SAMHD1: variants seen among roughly 807,000 people sequenced by gnomAD.
SAMHD1 encodes deoxynucleoside triphosphate triphosphohydrolase SAMHD1.
In SAMHD1, 54 loss-of-function variants were observed where a neutral mutation model predicts 79.6. The observed-to-expected ratio is 0.68, with a 90% CI of 0.55 to 0.85. SAMHD1 has a LOEUF of 0.85. Ranked by LOEUF, SAMHD1 falls within the 40% of genes least tolerant of loss-of-function variation. The probability of loss-of-function intolerance (pLI) is 0.00; values close to 1 mark genes in which losing one functional copy is unlikely to be tolerated. For synonymous variants in SAMHD1, 260 were observed against 264.1 expected (o/e 0.98, Z 0.15); for missense variants, 663 against 782.7 (o/e 0.85, Z 1.82).
chr20:36,941,141 T>C, intron 2 of SAMHD1, 30 bp from the exon 3 acceptor site: 2 of 1,451,082 alleles, frequency 1.4e-6, no homozygotes, highest in South Asian at 2.3e-5. Flanking sequence ...AGCAAGTCTA[T>C]CATTATTTGC....
intron 10 of SAMHD1, chr20:36,911,592 C>A: frequency 2.7e-6 from 1 of 375,110 alleles, no homozygotes; most frequent in Non-Finnish European, 4.9e-6. Flanking sequence ...GTGTATTCAG[C>A]CCTCATTTTA....
chr20:36,901,096 T>C (rs1990297790), intron 13 of SAMHD1, among the ~76,000 whole-genome samples: 1 of 151,904 alleles, frequency 6.6e-6, no homozygotes, highest in African/African-American at 2.4e-5. Context: ...TGGAGAGGAA[T>C]CTGGTGCCTT....
At chr20:36,917,619 C>T (rs981496304) in intron 7 of SAMHD1, among the ~76,000 whole-genome samples, 1 of 152,114 alleles carries the variant, frequency 6.6e-6, no homozygotes, top group Admixed American at 6.6e-5. Context: ...CCACTGCCCT[C>T]TAGCCTGGGC....
chr20:36,910,625 G>A (rs2063432918), intron 11 of SAMHD1, among the ~76,000 whole-genome samples: 1 of 151,228 alleles, frequency 6.6e-6, no homozygotes. Context: ...AGCTACCCAG[G>A]AGACTGAGGC....
At chr20:36,909,602 C>T (rs909114733) in intron 11 of SAMHD1, among the ~76,000 whole-genome samples, 6 of 141,870 alleles carry the variant, frequency 4.2e-5, no homozygotes, top group East Asian at 4.3e-4. Context: ...ACTCAGGAGG[C>T]GGAGGTTGCA....
In SAMHD1 at chr20:36,893,597, T is replaced by G. The variant is rs6093564; in HGVS notation, c.1747-531A>C. 393 of 322,284 alleles carry G rather than the reference T, an allele frequency of 1.2e-3. 3 individuals are homozygous for G. Among genetic ancestry groups the G allele is most frequent in the African/African-American group, 7.6e-3 (357 of 46,738 alleles). 20.0% of individuals were successfully genotyped at this position (322,284 alleles called of 1,614,324 possible). ...TCCTCCACCCAAAATAAGGGAGAGATCCAAAGGGAGGCGATACAATGACGT... is the reference window on the plus strand; with the variant it reads ...TCCTCCACCCAAAATAAGGGAGAGAGCCAAAGGGAGGCGATACAATGACGT... On this transcript the variant is annotated intron_variant, in intron 15 of 15. Coordinates refer to ENST00000646673, the MANE Select transcript of SAMHD1 (RefSeq NM_015474.4).
At chr20:36,947,549 GGGGTGTGTGTGTGTGTGTGTGT>G (rs2063700931) in intron 1 of SAMHD1, among the ~76,000 whole-genome samples, 1 of 60,740 alleles carries the variant, frequency 1.6e-5, no homozygotes, top group South Asian at 6.3e-4. Context: ...ATTTGGAAGA[GGGGTGTGTGTGTGTGTGTGTGT>G]GTGTGTGTGT....
At chr20:36,906,105 T>C (rs1209879885) in intron 11 of SAMHD1, among the ~76,000 whole-genome samples, 2 of 151,540 alleles carry the variant, frequency 1.3e-5, no homozygotes, top group Non-Finnish European at 2.9e-5. Context: ...CACATAAAGG[T>C]GTATGGATTT....
intron 4 of SAMHD1, among the ~76,000 whole-genome samples, chr20:36,931,566 G>A (rs879560153): frequency 6.6e-6 from 1 of 152,044 alleles, no homozygotes. Context: ...GAACCCAAGA[G>A]GTACAGGTTG....
Position 36,892,909 on chromosome 20 carries a change from T to A in SAMHD1, c.*23A>T. 3 of 1,613,982 alleles carry A rather than the reference T, an allele frequency of 1.9e-6. No homozygotes were observed. The highest frequency in any genetic ancestry group is 2.5e-6 in the Non-Finnish European group (3 of 1,179,926). On this transcript the variant is annotated 3_prime_UTR_variant, in exon 16 of 16. Coordinates refer to ENST00000646673, the MANE Select transcript of SAMHD1 (RefSeq NM_015474.4). ...AATGAATTGTGCAGGAGAGGGAGTT[T>A]GTAAACAACTGACTACAGACATTCA...
At chr20:36,948,875 AAAAAAAGAAAAG>A (rs1219606177) in intron 1 of SAMHD1, among the ~76,000 whole-genome samples, 2,390 of 112,094 alleles carry the variant, frequency 0.021, 51 homozygotes, top group African/African-American at 0.063. Flanking sequence ...CAAAAAAAAA[AAAAAAAGAAAAG>A]AAAAAAAGAA....
chr20:36,904,268 C>A lies in SAMHD1; in HGVS notation c.1411-19G>T. On this transcript the variant is annotated intron_variant, in intron 12 of 15. Transcript: ENST00000646673. ...AGTCCTCCTGGAAAACACAAGACTC[C>A]CCATGTTAGAATCCATTTTTCATCA... 6.5e-7 allele frequency: 1 copy of A among 1,534,190 alleles called. No individual in the cohort carries two copies. Among genetic ancestry groups the A allele is most frequent in the Non-Finnish European group, 9.0e-7 (1 of 1,107,352 alleles).
At chr20:36,951,316 C>T (rs2063732894) in intron 1 of SAMHD1, 120 bp downstream of exon 1, 1 of 1,412,880 alleles carries the variant, frequency 7.1e-7, no homozygotes, top group Non-Finnish European at 9.6e-7. Flanking sequence ...CTCCCGGGTG[C>T]CTCCCGCCGC....
chr20:36,951,608 A>T lies in SAMHD1; in HGVS notation c.36T>A (p.Arg12=), dbSNP rs1337379249. 6.2e-7 allele frequency: 1 copy of T among 1,613,984 alleles called. No homozygotes were observed. The highest frequency in any genetic ancestry group is 1.1e-5 in the South Asian group (1 of 91,076). The change falls in exon 1 of 16, where the codon CGT becomes CGA. Residue 12 remains arginine (R), a synonymous_variant. Coordinates refer to ENST00000646673, the MANE Select transcript of SAMHD1 (RefSeq NM_015474.4). ...QRADSEQPSK[R]PRCDDSPRTP... ...TTCTCGGGCTGTCATCGCAACGGGG[A>T]CGCTTGGAGGGCTGCTCGGAATCGG...
chr20:36,924,387 AAG>A (rs755277870), intron 6 of SAMHD1, among the ~76,000 whole-genome samples: 3 of 151,696 alleles, frequency 2.0e-5, no homozygotes, highest in African/African-American at 4.8e-5. Context: ...GAAAGTGAGA[AAG>A]AGAAAAAGAG....
chr20:36,906,193 T>C (rs1250251766), intron 11 of SAMHD1, among the ~76,000 whole-genome samples: 3 of 152,168 alleles, frequency 2.0e-5, no homozygotes, highest in African/African-American at 7.2e-5. Flanking sequence ...ATCCCAGCAA[T>C]TTGGGAGGCC....
intron 4 of SAMHD1, among the ~76,000 whole-genome samples, chr20:36,934,225 TA>T (rs1237434848): frequency 1.3e-5 from 2 of 151,524 alleles, no homozygotes; most frequent in African/African-American, 4.8e-5. Context: ...ACAAGGTAAA[TA>T]AAAAGCCTCA....
chr20:36,935,290 AT>A (rs2063596183), intron 3 of SAMHD1, 101 bp from the exon 4 acceptor site: 2 of 951,412 alleles, frequency 2.1e-6, no homozygotes, highest in East Asian at 5.2e-5. Context: ...AAGCTATTTG[AT>A]TTTTCAAGTA....
intron 1 of SAMHD1, among the ~76,000 whole-genome samples, chr20:36,947,622 A>T (rs1417679847): frequency 6.6e-6 from 1 of 150,952 alleles, no homozygotes; most frequent in African/African-American, 2.4e-5. Flanking sequence ...CTTTCTATAC[A>T]ATTAATTCTA....
Sources: allele counts gnomAD v4.1 joint callset (sites outside exome capture counted in the v4.1 genomes callset), GRCh38; gene constraint gnomAD v4.1.1; transcripts MANE v1.5; gene names NCBI Gene and HGNC (gene_info 2026-07-23, HGNC 2026-07-21).